The following DAB1 variants were observed in gnomAD, a reference collection of about 807,000 sequenced individuals.
DAB1 encodes the protein DAB adaptor protein 1.
Under a neutral mutation model 64.6 loss-of-function variants are expected in DAB1, and 15 were observed. The observed-to-expected ratio is 0.23, with a 90% confidence interval of 0.16 to 0.36. The LOEUF is 0.36. DAB1 is among the 10% of genes least tolerant of loss of function. DAB1 has a pLI of 1.00. For synonymous variants in DAB1, 235 were observed against 251.9 expected (o/e 0.93, Z 0.64); for missense variants, 596 against 706.7 (o/e 0.84, Z 1.78).
chr1:57,312,156 C>A (rs1674768764), intron 1 of DAB1, among the ~76,000 whole-genome samples: 1 of 152,168 alleles, frequency 6.6e-6, no homozygotes, highest in Non-Finnish European at 1.5e-5. Context: ...CACAACACGA[C>A]CCCAGCCCTT....
intron 2 of DAB1, among the ~76,000 whole-genome samples, chr1:57,277,414 G>A (rs545684663): frequency 2.6e-5 from 4 of 152,028 alleles, no homozygotes; most frequent in Non-Finnish European, 5.9e-5. Context: ...GTATCTTCTA[G>A]TATTTAATCA....
chr1:57,211,379 T>C (rs2100332266), intron 2 of DAB1, among the ~76,000 whole-genome samples: 1 of 152,284 alleles, frequency 6.6e-6, no homozygotes, highest in Admixed American at 6.5e-5. Context: ...CTTGTATCAC[T>C]TTTGTAACAA....
At chr1:58,459,948 A>T (rs571574371) in intron 3 of DAB1, among the ~76,000 whole-genome samples, 102 of 152,346 alleles carry the variant, frequency 6.7e-4, no homozygotes, top group African/African-American at 2.4e-3. Flanking sequence ...ACTGCACTCC[A>T]GCTGGGTGGC....
At chr1:57,966,396 G>A (rs1250070832) in intron 5 of DAB1, among the ~76,000 whole-genome samples, 5 of 152,046 alleles carry the variant, frequency 3.3e-5, no homozygotes, top group Non-Finnish European at 5.9e-5. Context: ...AGAAGCTGGC[G>A]CAACCTGCTG....
chr1:57,521,505 T>C (rs1644526274), intron 7 of DAB1, among the ~76,000 whole-genome samples: 1 of 152,136 alleles, frequency 6.6e-6, no homozygotes, highest in Non-Finnish European at 1.5e-5. Context: ...TAAGCAAGCT[T>C]TGAAAGATCT....
At chr1:57,484,386 T>TG (rs1433470897) in intron 7 of DAB1, among the ~76,000 whole-genome samples, 4 of 152,276 alleles carry the variant, frequency 2.6e-5, no homozygotes, top group African/African-American at 9.6e-5. Flanking sequence ...AAACAGCTTG[T>TG]GGGGAGTGGG....
chr1:58,047,724 T>C (rs1647332761), intron 5 of DAB1, among the ~76,000 whole-genome samples: 1 of 152,194 alleles, frequency 6.6e-6, no homozygotes, highest in African/African-American at 2.4e-5. Context: ...GGCTCTTCTA[T>C]TGACACTCTC....
intron 5 of DAB1, among the ~76,000 whole-genome samples, chr1:58,124,141 G>C (rs1652914705): frequency 6.6e-6 from 1 of 151,678 alleles, no homozygotes; most frequent in Non-Finnish European, 1.5e-5. Flanking sequence ...GTAGATTTGG[G>C]ATGCACGTGG....
At chr1:58,391,732 G>T (rs779553550) in intron 3 of DAB1, among the ~76,000 whole-genome samples, 3 of 152,058 alleles carry the variant, frequency 2.0e-5, no homozygotes, top group Non-Finnish European at 4.4e-5. Flanking sequence ...AAATTCCCTT[G>T]ACATCCACCC....
intron 14 of DAB1, among the ~76,000 whole-genome samples, chr1:57,008,644 A>G (rs1436195256): frequency 6.6e-6 from 1 of 152,222 alleles, no homozygotes; most frequent in Non-Finnish European, 1.5e-5. Flanking sequence ...CATAGCCAGG[A>G]AGTGGTGGAG....
intron 7 of DAB1, among the ~76,000 whole-genome samples, chr1:57,641,657 CT>C (rs995736757): frequency 2.2e-4 from 33 of 147,052 alleles, no homozygotes; most frequent in Admixed American, 3.4e-4. Context: ...GTGCTGGTTC[CT>C]TTTTTTTTTA....
chr1:57,089,443 A>C (rs564692955), intron 4 of DAB1, among the ~76,000 whole-genome samples: 1 of 152,272 alleles, frequency 6.6e-6, no homozygotes, highest in African/African-American at 2.4e-5. Context: ...CTGCTCAGCA[A>C]ATTTCCAGAG....
intron 7 of DAB1, among the ~76,000 whole-genome samples, chr1:57,566,491 G>C (rs1225881610): frequency 3.3e-5 from 5 of 152,102 alleles, no homozygotes; most frequent in Non-Finnish European, 4.4e-5. Flanking sequence ...CCAGGAGCTT[G>C]TTTTTTGAAA....
At chr1:58,109,313 G>A (rs545576293) in intron 5 of DAB1, among the ~76,000 whole-genome samples, 23 of 152,316 alleles carry the variant, frequency 1.5e-4, no homozygotes, top group African/African-American at 5.5e-4. Context: ...CGTGAATAGG[G>A]TCAGGCCTCT....
chr1:57,750,198 A>C (rs2101802464), intron 6 of DAB1, among the ~76,000 whole-genome samples: 1 of 152,216 alleles, frequency 6.6e-6, no homozygotes, highest in Middle Eastern at 3.4e-3. Flanking sequence ...TTTAGTATTG[A>C]TCACCTTGAA....
intron 7 of DAB1, among the ~76,000 whole-genome samples, chr1:57,585,246 C>A: frequency 2.6e-5 from 1 of 38,996 alleles, no homozygotes; most frequent in African/African-American, 1.2e-4. Flanking sequence ...GAGACTCTTT[C>A]TGAAAAAAAA....
At chr1:57,706,432 C>T (rs1315898770) in intron 6 of DAB1, among the ~76,000 whole-genome samples, 3 of 152,034 alleles carry the variant, frequency 2.0e-5, no homozygotes, top group Non-Finnish European at 4.4e-5. Context: ...ATCCTCCCAC[C>T]TCAGCCTCTT....
chr1:57,921,013 A>T (rs999577829), intron 5 of DAB1, among the ~76,000 whole-genome samples: 2 of 152,194 alleles, frequency 1.3e-5, no homozygotes, highest in African/African-American at 2.4e-5. Context: ...TTACCACATC[A>T]TTAGTAATTT....
At chr1:57,993,206 C>T (rs570160522) in intron 5 of DAB1, among the ~76,000 whole-genome samples, 15 of 152,172 alleles carry the variant, frequency 9.9e-5, no homozygotes, top group South Asian at 2.1e-4. Flanking sequence ...GCTAGGGTCA[C>T]GGAATGCATG....
Sources: gnomAD v4.1 joint callset for allele counts (sites outside exome capture counted in the v4.1 genomes callset) on GRCh38, gnomAD v4.1.1 for gene constraint, MANE v1.5 for transcripts, NCBI Gene and HGNC (gene_info 2026-07-23, HGNC 2026-07-21) for gene names.